MCTP1: variants seen among roughly 807,000 people sequenced by gnomAD.
MCTP1 encodes multiple C2 and transmembrane domain containing 1, also known as multiple C2 and transmembrane domain-containing protein 1.
A neutral mutation model predicts 120.6 loss-of-function variants in MCTP1; 69 were observed. The ratio of observed to expected loss-of-function variants is 0.57; its 90% confidence interval spans 0.47 to 0.70. MCTP1 has a LOEUF of 0.70. Ranked by LOEUF, MCTP1 falls within the 30% of genes least tolerant of loss-of-function variation. MCTP1 has a pLI of 0.00. For synonymous variants in MCTP1, 529 were observed against 493.1 expected (o/e 1.07, Z -0.96); for missense variants, 1,203 against 1,248.8 (o/e 0.96, Z 0.55).
At chr5:95,012,105 C>G (rs1346154048) in intron 2 of MCTP1, among the ~76,000 whole-genome samples, 1 of 152,082 alleles carries the variant, frequency 6.6e-6, no homozygotes, top group Non-Finnish European at 1.5e-5. Flanking sequence ...CAGGCCCTCT[C>G]AGCAGACAGA....
intron 17 of MCTP1, among the ~76,000 whole-genome samples, chr5:94,820,831 A>C (rs1785466347): frequency 6.6e-6 from 1 of 152,242 alleles, no homozygotes; most frequent in African/African-American, 2.4e-5. Flanking sequence ...TTTTGGATTT[A>C]GCCAAACCAT....
chr5:94,891,148 C>CTTTTTTTTTTTTTTTTTTTTTTTTTTTT (rs1239412739), intron 11 of MCTP1, among the ~76,000 whole-genome samples: 1 of 152,148 alleles, frequency 6.6e-6, no homozygotes, highest in African/African-American at 2.4e-5. Context: ...CATAGCCTAA[C>CTTTTTTTTTTTTTTTTTTTTTTTTTTTT]TTTTTATAAG....
intron 1 of MCTP1, among the ~76,000 whole-genome samples, chr5:95,194,060 T>TA (rs1750113902): frequency 1.3e-5 from 2 of 151,586 alleles, no homozygotes; most frequent in Non-Finnish European, 2.9e-5. Context: ...AAAAATAACA[T>TA]AAAAAATTAG....
At chr5:95,069,857 C>A (rs1414462513) in intron 1 of MCTP1, among the ~76,000 whole-genome samples, 2 of 152,046 alleles carry the variant, frequency 1.3e-5, no homozygotes, top group Admixed American at 6.6e-5. Flanking sequence ...CACTACCACG[C>A]CCGGCTATTT....
At chr5:95,267,055 T>C (rs1208262629) in intron 1 of MCTP1, among the ~76,000 whole-genome samples, 1 of 152,230 alleles carries the variant, frequency 6.6e-6, no homozygotes, top group Non-Finnish European at 1.5e-5. Context: ...TAAATATGAA[T>C]ATTGGCTATA....
At chr5:94,784,088 A>C (rs575092890) in intron 18 of MCTP1, among the ~76,000 whole-genome samples, 1 of 152,256 alleles carries the variant, frequency 6.6e-6, no homozygotes, top group East Asian at 1.9e-4. Context: ...TAAAATATTA[A>C]AGAAAACTGA....
chr5:94,940,579 T>TATATATGTATATATATATACAC (rs1384917380), intron 4 of MCTP1, among the ~76,000 whole-genome samples: 3 of 106,198 alleles, frequency 2.8e-5, no homozygotes, highest in East Asian at 2.4e-4. Context: ...TATATATACA[T>TATATATGTATATATATATACAC]ATATATGTAT....
chr5:94,767,354 C>A (rs1201280788), intron 19 of MCTP1, among the ~76,000 whole-genome samples: 1 of 152,086 alleles, frequency 6.6e-6, no homozygotes, highest in East Asian at 1.9e-4. Flanking sequence ...AGAACTGGAA[C>A]AAGACAATGA....
intron 1 of MCTP1, among the ~76,000 whole-genome samples, chr5:95,231,841 G>A (rs1754984356): frequency 6.6e-6 from 1 of 152,148 alleles, no homozygotes; most frequent in African/African-American, 2.4e-5. Flanking sequence ...AAAATTGGAA[G>A]TATACTATTG....
chr5:95,189,143 G>C (rs1184705022), intron 1 of MCTP1, among the ~76,000 whole-genome samples: 1 of 152,164 alleles, frequency 6.6e-6, no homozygotes, highest in East Asian at 1.9e-4. Context: ...AAATAGAAAT[G>C]AACAAATTGT....
intron 12 of MCTP1, among the ~76,000 whole-genome samples, chr5:94,884,216 A>G (rs1202290432): frequency 6.6e-6 from 1 of 152,238 alleles, no homozygotes; most frequent in Non-Finnish European, 1.5e-5. Context: ...CATTTCATGC[A>G]TATCTCATTT....
chr5:94,850,223 G>A (rs944419437), intron 17 of MCTP1, among the ~76,000 whole-genome samples: 2 of 152,066 alleles, frequency 1.3e-5, no homozygotes, highest in Non-Finnish European at 2.9e-5. Context: ...ACCGTTCTGC[G>A]GTCTCCCACC....
At chr5:95,243,886 G>C (rs1318302103) in intron 1 of MCTP1, among the ~76,000 whole-genome samples, 4 of 152,210 alleles carry the variant, frequency 2.6e-5, no homozygotes, top group Non-Finnish European at 4.4e-5. Flanking sequence ...GGGCAACCAA[G>C]ACAATGGTGA....
chr5:95,090,494 G>A (rs1755763179), intron 1 of MCTP1, among the ~76,000 whole-genome samples: 1 of 152,122 alleles, frequency 6.6e-6, no homozygotes, highest in Admixed American at 6.5e-5. Context: ...CTAGAGAGAA[G>A]AGGTCCCAGA....
At chr5:94,968,284 C>A (rs1485268905) in intron 2 of MCTP1, among the ~76,000 whole-genome samples, 1 of 152,080 alleles carries the variant, frequency 6.6e-6, no homozygotes, top group African/African-American at 2.4e-5. Flanking sequence ...GATTCCTTTT[C>A]TGTAGCCTTT....
intron 17 of MCTP1, among the ~76,000 whole-genome samples, chr5:94,834,388 A>G (rs1789216342): frequency 6.6e-6 from 1 of 152,220 alleles, no homozygotes; most frequent in African/African-American, 2.4e-5. Context: ...ATATTCTAGA[A>G]TATCAAGACA....
chr5:95,201,472 T>G (rs1003556426), intron 1 of MCTP1, among the ~76,000 whole-genome samples: 3 of 5,676 alleles, frequency 5.3e-4, no homozygotes, highest in South Asian at 7.0e-3. Context: ...TGGTTTTTTT[T>G]TTTTTTTTTT....
In MCTP1 at chr5:94,799,031, A is replaced by G. The variant is rs747746224; in HGVS notation, c.2538T>C (p.Asp846=). The part of the protein sequence containing the change: ...WNYFLIISGK[D]NRQRDTVVED... ...GACTTACTGTATCACGTTGCCTGTT[A>G]TCTTTCCCTGATATTATCAAGAAGT... Residue 846 remains aspartate (D), a synonymous_variant, in exon 18 of 23, where the codon GAT becomes GAC. Transcript: ENST00000515393. 3 of 1,611,932 alleles carry G rather than the reference A, an allele frequency of 1.9e-6. 1 individual carries two copies. In the South Asian group the frequency reaches 3.3e-5, roughly 18 times the overall value.
At position 95,201,463 on chromosome 5, in the gene MCTP1, G is replaced by GTTTTTTTT. The variant is rs1562232022; in HGVS notation, c.720+82392_720+82393insAAAAAAAA. 5.0e-5 allele frequency among the ~76,000 whole-genome samples: 6 copies of GTTTTTTTT among 120,682 alleles called. 1 individual carries two copies. Among genetic ancestry groups the GTTTTTTTT allele is most frequent in the Admixed American group, 9.1e-5 (1 of 11,002 alleles). The allele number at this position is 120,682 out of a possible 152,430, so 79.2% of individuals were successfully genotyped here. A position where few individuals can be genotyped will look rare whatever the true frequency, so the allele number is the denominator to read the frequency against. On this transcript the variant is annotated intron_variant, in intron 1 of 22. Transcript: ENST00000515393. Reference sequence around the variant, plus strand: ...AAGGGATAAAATGTAAAGGAAAAGTGGTTTTTTTTTTTTTTTTTTTTTTTT... The same window carrying GTTTTTTTT: ...AAGGGATAAAATGTAAAGGAAAAGTGTTTTTTTTGTTTTTTTTTTTTTTTTTTTTTTTT...
Sources: gnomAD v4.1 joint callset for allele counts (sites outside exome capture counted in the v4.1 genomes callset) on GRCh38, gnomAD v4.1.1 for gene constraint, MANE v1.5 for transcripts, NCBI Gene and HGNC (gene_info 2026-07-23, HGNC 2026-07-21) for gene names.